The following GOT2 variants were observed in gnomAD, a reference collection of about 807,000 sequenced individuals.
GOT2 encodes aspartate aminotransferase, mitochondrial.
A neutral mutation model predicts 50.0 loss-of-function variants in GOT2; 17 were observed. The observed-to-expected ratio is 0.34, with a 90% CI of 0.23 to 0.51. The LOEUF (loss-of-function observed/expected upper bound fraction) is 0.51. GOT2 is among the 20% of genes least tolerant of loss of function. The pLI, the probability that GOT2 is intolerant of heterozygous loss-of-function variation, is 0.97. For missense variants in GOT2, 430 were observed against 559.6 expected (o/e 0.77, Z 2.34); for synonymous variants, 172 against 204.9 (o/e 0.84, Z 1.37).
intron 1 of GOT2, among the ~76,000 whole-genome samples, chr16:58,725,678 G>A (rs1232385034): frequency 6.6e-6 from 1 of 152,194 alleles, no homozygotes; most frequent in African/African-American, 2.4e-5. Context: ...ACATGTGGCT[G>A]TAGAAGTTGT....
intron 1 of GOT2, among the ~76,000 whole-genome samples, chr16:58,733,605 G>C (rs533085149): frequency 8.3e-4 from 126 of 152,310 alleles, no homozygotes; most frequent in Middle Eastern, 3.4e-3. Flanking sequence ...CGCACGCCAA[G>C]GTCGCAGGTG....
At chr16:58,728,895 C>T (rs1237174406) in intron 1 of GOT2, among the ~76,000 whole-genome samples, 1 of 152,102 alleles carries the variant, frequency 6.6e-6, no homozygotes, top group African/African-American at 2.4e-5. Flanking sequence ...CCATGTTGGC[C>T]AGGCTGGTCT....
At chr16:58,732,495 T>C (rs2044842724) in intron 1 of GOT2, among the ~76,000 whole-genome samples, 1 of 152,224 alleles carries the variant, frequency 6.6e-6, no homozygotes, top group Admixed American at 6.5e-5. Context: ...AATGTCATAC[T>C]GTATTTGTTT....
intron 8 of GOT2, among the ~76,000 whole-genome samples, chr16:58,710,397 T>C (rs564616799): frequency 3.7e-4 from 51 of 138,064 alleles, no homozygotes; most frequent in African/African-American, 1.3e-3. Context: ...TTTTCTTTTC[T>C]TTTTTTTTTT....
chr16:58,732,569 C>A lies in GOT2; in HGVS notation c.89+1571G>T, dbSNP rs369687194. Among the ~76,000 whole-genome samples the A allele has an allele frequency of 4.9e-4, 75 of 152,230 alleles. No homozygotes were observed. In the South Asian group the frequency reaches 0.013, roughly 27 times the overall value. ...ATATCCAATATAAGAGACATGCCAGCAACTGTTAATAGTGCTGAGATGTAA... is the reference window on the plus strand; with the variant it reads ...ATATCCAATATAAGAGACATGCCAGAAACTGTTAATAGTGCTGAGATGTAA... On this transcript the variant is annotated intron_variant, in intron 1 of 9. Transcript: ENST00000245206.
chr16:58,713,466 T>G (rs2044666093), intron 8 of GOT2, among the ~76,000 whole-genome samples: 1 of 151,918 alleles, frequency 6.6e-6, no homozygotes, highest in Admixed American at 6.6e-5. Flanking sequence ...CAGTGAGACC[T>G]TGTCTTTATA....
At chr16:58,733,603 A>T (rs1276081769) in intron 1 of GOT2, among the ~76,000 whole-genome samples, 5 of 152,156 alleles carry the variant, frequency 3.3e-5, no homozygotes, top group Non-Finnish European at 7.4e-5. Flanking sequence ...GCCGCACGCC[A>T]AGGTCGCAGG....
chr16:58,709,260 C>T (rs1484346745), intron 9 of GOT2, 157 bp downstream of exon 9: 7 of 732,964 alleles, frequency 9.6e-6, no homozygotes, highest in Non-Finnish European at 1.5e-5. Flanking sequence ...GAGACTGTCT[C>T]AAAACAAAAA....
chr16:58,716,475 C>T (rs1457872947), intron 7 of GOT2, 188 bp downstream of exon 7: 11 of 627,850 alleles, frequency 1.8e-5, no homozygotes, highest in South Asian at 1.5e-4. Context: ...TTAAGGACAC[C>T]GAAGAATATA....
intron 8 of GOT2, 75 bp downstream of exon 8, chr16:58,715,939 G>A (rs1462264925): frequency 3.5e-6 from 4 of 1,157,752 alleles, no homozygotes; most frequent in Non-Finnish European, 5.0e-6. Context: ...TATCACTAGA[G>A]GTCAATTAAA....
Position 58,732,783 on chromosome 16 carries a change from A to G in GOT2, c.89+1357T>C, listed in dbSNP as rs112416628. ...ATCCATAAAACAAGGTATTATTTTA[A>G]GATTACTGCAATAGGGAAACATACT... On this transcript the variant is annotated intron_variant, in intron 1 of 9. Coordinates refer to ENST00000245206, the MANE Select transcript of GOT2 (RefSeq NM_002080.4). 1.6e-3 allele frequency among the ~76,000 whole-genome samples: 242 copies of G among 152,366 alleles called. 1 individual carries two copies. The highest frequency in any genetic ancestry group is 5.6e-3 in the African/African-American group (232 of 41,580).
At chr16:58,717,020 G>T (rs184340715) in intron 6 of GOT2, among the ~76,000 whole-genome samples, 7 of 152,340 alleles carry the variant, frequency 4.6e-5, no homozygotes, top group Non-Finnish European at 8.8e-5. Context: ...TCTTGAAAGT[G>T]CTCTCCAAAT....
chr16:58,716,552 A>G (rs1432996038), intron 7 of GOT2, 111 bp downstream of exon 7: 2 of 833,594 alleles, frequency 2.4e-6, no homozygotes. Flanking sequence ...GGACATGGAC[A>G]TGGATGGACA....
At chr16:58,712,087 A>C (rs1377395487) in intron 8 of GOT2, among the ~76,000 whole-genome samples, 1 of 150,868 alleles carries the variant, frequency 6.6e-6, no homozygotes, top group African/African-American at 2.4e-5. Flanking sequence ...TTCCTTTGCA[A>C]AAAAAAAAGC....
At chr16:58,715,420 C>T (rs967262637) in intron 8 of GOT2, among the ~76,000 whole-genome samples, 7 of 152,142 alleles carry the variant, frequency 4.6e-5, no homozygotes, top group Non-Finnish European at 5.9e-5. Context: ...AAAGTGCTAA[C>T]AAATACTCGG....
At position 58,710,951 on chromosome 16, in the gene GOT2, G is replaced by A. The variant is rs188878352; in HGVS notation, c.1020-1384C>T. 7.7e-3 allele frequency among the ~76,000 whole-genome samples: 876 copies of A among 114,092 alleles called. 10 individuals carry two copies. Among genetic ancestry groups the A allele is most frequent in the Middle Eastern group, 0.018 (2 of 110 alleles). 74.8% of individuals were successfully genotyped at this position (114,092 alleles called of 152,430 possible). A position where few individuals can be genotyped will look rare whatever the true frequency, so the allele number is the denominator to read the frequency against. The stretch of plus-strand genomic sequence containing the variant: ...CCACTGCACTCCAGCCTGGGTGAGA[G>A]AGCAAGACTCTGTCTCAAAAAAAAA... On this transcript the variant is annotated intron_variant, in intron 8 of 9. Transcript: ENST00000245206.
intron 7 of GOT2, 54 bp downstream of exon 7, chr16:58,716,609 G>A (rs373275750): frequency 2.4e-5 from 36 of 1,528,670 alleles, no homozygotes; most frequent in Non-Finnish European, 3.1e-5. Context: ...CTATGCCCTC[G>A]TGGCATTCTC....
chr16:58,709,682 T>A, intron 8 of GOT2, 115 bp from the exon 9 acceptor site: 1 of 754,216 alleles, frequency 1.3e-6, no homozygotes, highest in Non-Finnish European at 2.1e-6. Flanking sequence ...AATTCTCAGG[T>A]CACGAATGAG....
At chr16:58,717,762 C>T (rs916516164) in intron 6 of GOT2, among the ~76,000 whole-genome samples, 2 of 152,316 alleles carry the variant, frequency 1.3e-5, no homozygotes, top group South Asian at 4.1e-4. Flanking sequence ...ACAATCTCGG[C>T]TCACCACAAT....
Sources: gnomAD v4.1 joint callset for allele counts (sites outside exome capture counted in the v4.1 genomes callset) on GRCh38, gnomAD v4.1.1 for gene constraint, MANE v1.5 for transcripts, NCBI Gene and HGNC (gene_info 2026-07-23, HGNC 2026-07-21) for gene names.